Variants in ZDHHC15 observed in about 807,000 individuals in gnomAD.
ZDHHC15 encodes the protein palmitoyltransferase ZDHHC15.
In ZDHHC15, 19 loss-of-function variants were observed where a neutral mutation model predicts 31.7. The observed-to-expected ratio is 0.60, with a 90% confidence interval of 0.42 to 0.88. The LOEUF (loss-of-function observed/expected upper bound fraction) is 0.88, where lower values mean the gene tolerates loss of function less well. Ranked by LOEUF, ZDHHC15 falls within the 40% of genes least tolerant of loss-of-function variation. ZDHHC15 has a pLI of 0.00. For synonymous variants in ZDHHC15, 103 were observed against 90.0 expected (o/e 1.14, Z -0.82); for missense variants, 209 against 251.2 (o/e 0.83, Z 1.14).
intron 10 of ZDHHC15, among the ~76,000 whole-genome samples, chrX:75,389,662 C>A (rs760108854): frequency 9.0e-6 from 1 of 110,892 alleles, no homozygotes; most frequent in Non-Finnish European, 1.9e-5. Context: ...GGATTTATCA[C>A]CTGCTAACTA....
intron 1 of ZDHHC15, among the ~76,000 whole-genome samples, chrX:75,517,738 A>G (rs1420449285): frequency 1.3e-4 from 14 of 109,751 alleles, no homozygotes; most frequent in Middle Eastern, 9.4e-3. Flanking sequence ...AAAGTATAAT[A>G]ATAATAAAAT....
At chrX:75,482,188 G>A (rs1195156269) in intron 2 of ZDHHC15, among the ~76,000 whole-genome samples, 1 of 111,114 alleles carries the variant, frequency 9.0e-6, no homozygotes, top group Non-Finnish European at 1.9e-5. Flanking sequence ...TACTATTTGG[G>A]TGATGGGCTC....
chrX:75,486,136 A>T (rs1421665191), intron 2 of ZDHHC15, among the ~76,000 whole-genome samples: 1 of 112,663 alleles, frequency 8.9e-6, no homozygotes, highest in Non-Finnish European at 1.9e-5. Context: ...ACACAGAGAA[A>T]AGTCAACCTC....
chrX:75,448,914 C>T (rs1019082321), intron 4 of ZDHHC15, among the ~76,000 whole-genome samples: 5 of 110,520 alleles, frequency 4.5e-5, no homozygotes, highest in African/African-American at 1.6e-4. Flanking sequence ...AGACTGTCCT[C>T]CCCAATGCAG....
At chrX:75,442,386 T>C (rs949613128) in intron 4 of ZDHHC15, among the ~76,000 whole-genome samples, 33 of 111,725 alleles carry the variant, frequency 3.0e-4, no homozygotes, top group Non-Finnish European at 5.5e-4. Context: ...GATGACATGA[T>C]TGTATATCTA....
rs922173669 is a variant in ZDHHC15 at position 75,479,829 on chromosome X, A to G, written c.164-844T>C. Among the ~76,000 whole-genome samples, 7 of 112,135 alleles carry G rather than the reference A, an allele frequency of 6.2e-5. No individual in the cohort carries two copies. The East Asian group carries it at 1.7e-3, about 27-fold the overall frequency. On this transcript the variant is annotated intron_variant, in intron 2 of 11. Coordinates refer to ENST00000373367, the MANE Select transcript of ZDHHC15 (RefSeq NM_144969.3). ...CCTCCAGTTCCATCCATCTTGCTGC[A>G]AAAGACATGATTTCATTCTTTCTTA...
At chrX:75,466,871 C>A (rs2084414869) in intron 3 of ZDHHC15, among the ~76,000 whole-genome samples, 1 of 89,671 alleles carries the variant, frequency 1.1e-5, no homozygotes, top group African/African-American at 4.5e-5. Flanking sequence ...GGAAGAGGAA[C>A]AACACACACT....
At chrX:75,479,067 T>A in intron 2 of ZDHHC15, 82 bp from the exon 3 acceptor site, 17 of 608,046 alleles carry the variant, frequency 2.8e-5, no homozygotes, top group Non-Finnish European at 4.1e-5. Context: ...CCATGACGAA[T>A]TTTTATTGTT....
chrX:75,376,256 T>C (rs1479267502), intron 11 of ZDHHC15, among the ~76,000 whole-genome samples: 1 of 52,658 alleles, frequency 1.9e-5, no homozygotes, highest in Non-Finnish European at 5.8e-5. Context: ...TTTAATGGGG[T>C]TGTTTTTTTT....
chrX:75,479,531 A>G (rs761599618), intron 2 of ZDHHC15, among the ~76,000 whole-genome samples: 1 of 111,944 alleles, frequency 8.9e-6, no homozygotes, highest in South Asian at 3.7e-4. Context: ...GTATAAATTC[A>G]TGGAGTACAA....
chrX:75,442,273 A>T (rs2083953324), intron 4 of ZDHHC15, among the ~76,000 whole-genome samples: 1 of 111,715 alleles, frequency 9.0e-6, no homozygotes, highest in Non-Finnish European at 1.9e-5. Context: ...CACCACTCCT[A>T]TTCAACATAG....
chrX:75,454,898 C>T (rs1175837240), intron 3 of ZDHHC15, among the ~76,000 whole-genome samples: 1 of 111,815 alleles, frequency 8.9e-6, no homozygotes, highest in African/African-American at 3.2e-5. Context: ...ACATTCCATG[C>T]TCATGGATAG....
intron 8 of ZDHHC15, 152 bp from the exon 9 acceptor site, chrX:75,422,142 T>C: frequency 1.6e-6 from 1 of 644,962 alleles, no homozygotes; most frequent in South Asian, 4.5e-5. Context: ...TTTTTAGGTA[T>C]TGCTAAATTG....
At chrX:75,501,044 T>C (rs1284836711) in intron 2 of ZDHHC15, among the ~76,000 whole-genome samples, 1 of 111,057 alleles carries the variant, frequency 9.0e-6, no homozygotes, top group Non-Finnish European at 1.9e-5. Context: ...GGGTTTGTTG[T>C]ATAGATTACT....
chrX:75,417,804 A>G (rs1185544175), intron 9 of ZDHHC15, among the ~76,000 whole-genome samples: 1 of 111,615 alleles, frequency 9.0e-6, no homozygotes, highest in African/African-American at 3.3e-5. Flanking sequence ...CCACTAACAG[A>G]TGGGATGCAT....
chrX:75,429,185 T>C lies in ZDHHC15; in HGVS notation c.496A>G (p.Ile166Val), dbSNP rs752284749. 1.7e-6 allele frequency: 2 copies of C among 1,204,566 alleles called. No homozygotes were observed. Among genetic ancestry groups the C allele is most frequent in the South Asian group, 3.6e-5 (2 of 55,290 alleles). The change falls in exon 7 of 12, where the codon ATT becomes GTT. Residue 166 changes from isoleucine to valine, a missense_variant. Physicochemically the swap from Ile to Val is conservative, Grantham distance 29. Coordinates refer to ENST00000373367, the MANE Select transcript of ZDHHC15 (RefSeq NM_144969.3). ...DHHCPWVNNC[I>V]GFSNYKFFLQ... is the part of the protein sequence containing the mutation. ...AAGAATTTGTAGTTGGAAAATCCAA[T>C]GCAGTTATTAACCCTAAAAAAAAAG...
At chrX:75,491,683 G>T (rs1283689871) in intron 2 of ZDHHC15, among the ~76,000 whole-genome samples, 1 of 110,642 alleles carries the variant, frequency 9.0e-6, no homozygotes, top group African/African-American at 3.3e-5. Flanking sequence ...TTCATATCCA[G>T]CCAAACTAAA....
chrX:75,392,680 A>T (rs995381892), intron 10 of ZDHHC15, among the ~76,000 whole-genome samples: 3 of 112,612 alleles, frequency 2.7e-5, no homozygotes, highest in African/African-American at 9.7e-5. Flanking sequence ...ACAATACTTA[A>T]ATGTTGATGT....
At chrX:75,405,030 T>C (rs2147803245) in intron 10 of ZDHHC15, among the ~76,000 whole-genome samples, 1 of 112,285 alleles carries the variant, frequency 8.9e-6, no homozygotes, top group East Asian at 2.8e-4. Flanking sequence ...CCATACACCA[T>C]GGAATATTAT....
Sources: allele counts gnomAD v4.1 joint callset (sites outside exome capture counted in the v4.1 genomes callset), GRCh38; gene constraint gnomAD v4.1.1; transcripts MANE v1.5; gene names NCBI Gene and HGNC (gene_info 2026-07-23, HGNC 2026-07-21).